The following ARK2C variants were observed in gnomAD, a reference collection of about 807,000 sequenced individuals.
ARK2C encodes the protein E3 ubiquitin-protein ligase ARK2C.
At chr18:46,384,672 T>C in the ARK2C span, among the ~76,000 whole-genome samples, 6 of 152,102 alleles carry the variant, frequency 3.9e-5, no homozygotes, top group Non-Finnish European at 5.9e-5. Context: ...CCCACCTCTT[T>C]CCACTTGGGA....
At chr18:46,347,111 A>G in the ARK2C span, among the ~76,000 whole-genome samples, 2 of 152,110 alleles carry the variant, frequency 1.3e-5, no homozygotes, top group African/African-American at 4.8e-5. Flanking sequence ...CTCCCGGAGG[A>G]GGCAGGACTG....
the ARK2C span, among the ~76,000 whole-genome samples, chr18:46,416,026 A>T: frequency 1.3e-5 from 2 of 152,108 alleles, no homozygotes; most frequent in African/African-American, 4.8e-5. Context: ...AGCCTTCCTG[A>T]CTTTGCTGCT....
chr18:46,399,330 G>C, the ARK2C span, among the ~76,000 whole-genome samples: 2 of 152,216 alleles, frequency 1.3e-5, no homozygotes, highest in Non-Finnish European at 2.9e-5. Flanking sequence ...TGGGGATCAC[G>C]CGGGCATCAA....
chr18:46,392,939 C>T, the ARK2C span, among the ~76,000 whole-genome samples: 1 of 152,088 alleles, frequency 6.6e-6, no homozygotes, highest in Non-Finnish European at 1.5e-5. Context: ...ACCCAAGAAA[C>T]ACCATGGAAA....
At chr18:46,391,528 G>A in the ARK2C span, among the ~76,000 whole-genome samples, 1 of 152,114 alleles carries the variant, frequency 6.6e-6, no homozygotes, top group African/African-American at 2.4e-5. Flanking sequence ...CCCATGTTCT[G>A]TGGGAAGCCT....
chr18:46,366,068 G>A, the ARK2C span, among the ~76,000 whole-genome samples: 5 of 151,996 alleles, frequency 3.3e-5, no homozygotes, highest in South Asian at 2.1e-4. Context: ...CAAGGAGGGC[G>A]GATCACCTGA....
chr18:46,401,683 C>G, the ARK2C span, among the ~76,000 whole-genome samples: 1 of 152,186 alleles, frequency 6.6e-6, no homozygotes, highest in African/African-American at 2.4e-5. Context: ...TCAGGCTGCT[C>G]GTTAAGTGAA....
the ARK2C span, among the ~76,000 whole-genome samples, chr18:46,453,950 A>G: frequency 6.6e-6 from 1 of 151,512 alleles, no homozygotes; most frequent in South Asian, 2.1e-4. Flanking sequence ...CTGTCTCTAC[A>G]ATAAAAAGAA....
At chr18:46,356,727 T>C in the ARK2C span, among the ~76,000 whole-genome samples, 1 of 152,108 alleles carries the variant, frequency 6.6e-6, no homozygotes, top group South Asian at 2.1e-4. Flanking sequence ...GGGCTCCACC[T>C]CCCCAAAGCC....
At chr18:46,422,438 G>C in the ARK2C span, among the ~76,000 whole-genome samples, 2 of 152,218 alleles carry the variant, frequency 1.3e-5, no homozygotes, top group African/African-American at 4.8e-5. Context: ...TATCCATGCA[G>C]AGGGGAGAGG....
At chr18:46,402,507 A>G in the ARK2C span, among the ~76,000 whole-genome samples, 1 of 152,004 alleles carries the variant, frequency 6.6e-6, no homozygotes, top group African/African-American at 2.4e-5. Flanking sequence ...TGGGCTTTCT[A>G]CATGTGTGTG....
At chr18:46,399,724 G>A in the ARK2C span, among the ~76,000 whole-genome samples, 1 of 152,182 alleles carries the variant, frequency 6.6e-6, no homozygotes, top group East Asian at 1.9e-4. Context: ...GAACTGAGAG[G>A]CAGAGGAGGA....
At chr18:46,345,930 A>C in the ARK2C span, among the ~76,000 whole-genome samples, 9 of 152,270 alleles carry the variant, frequency 5.9e-5, no homozygotes, top group East Asian at 1.7e-3. Flanking sequence ...CAAGTTGTTC[A>C]GTGGCTGGAG....
At chr18:46,381,262 T>C in the ARK2C span, among the ~76,000 whole-genome samples, 1 of 152,230 alleles carries the variant, frequency 6.6e-6, no homozygotes, top group Non-Finnish European at 1.5e-5. Flanking sequence ...TGCTGTCCCC[T>C]CCGTGGTCTC....
the ARK2C span, among the ~76,000 whole-genome samples, chr18:46,400,005 C>T: frequency 1.3e-5 from 2 of 152,186 alleles, no homozygotes; most frequent in South Asian, 4.1e-4. Context: ...GGCCACACCC[C>T]AGGTGTTCTG....
chr18:46,395,499 C>G, the ARK2C span, among the ~76,000 whole-genome samples: 1 of 152,136 alleles, frequency 6.6e-6, no homozygotes, highest in Non-Finnish European at 1.5e-5. Flanking sequence ...CTCATGGCAG[C>G]CCTTAGAAGA....
At chr18:46,375,497 T>C in the ARK2C span, among the ~76,000 whole-genome samples, 2 of 151,646 alleles carry the variant, frequency 1.3e-5, no homozygotes, top group Non-Finnish European at 2.9e-5. Context: ...GAGGTTGCAG[T>C]GAGCTGAGAT....
chr18:46,399,957 C>T, the ARK2C span, among the ~76,000 whole-genome samples: 1,414 of 152,292 alleles, frequency 9.3e-3, 19 homozygotes, highest in African/African-American at 0.032. Context: ...GCAAGGTGAT[C>T]AGGGCAAGTG....
the ARK2C span, among the ~76,000 whole-genome samples, chr18:46,369,303 C>T: frequency 6.6e-6 from 1 of 151,846 alleles, no homozygotes; most frequent in Non-Finnish European, 1.5e-5. Context: ...GCAGGGTGGC[C>T]TGAGCTGGGA....
Sources: allele counts gnomAD v4.1 joint callset (sites outside exome capture counted in the v4.1 genomes callset), GRCh38; gene constraint gnomAD v4.1.1; transcripts MANE v1.5; gene names NCBI Gene and HGNC (gene_info 2026-07-23, HGNC 2026-07-21).